Variants in PFAS observed in about 807,000 individuals in gnomAD.
PFAS encodes the protein FGAM synthase.
In PFAS, 97 loss-of-function variants were observed where a neutral mutation model predicts 140.6. The ratio of observed to expected loss-of-function variants is 0.69; its 90% CI spans 0.59 to 0.82. The LOEUF (loss-of-function observed/expected upper bound fraction) is 0.82, where lower values mean the gene tolerates loss of function less well. PFAS is among the 40% of genes least tolerant of loss of function. PFAS has a pLI of 0.00. For missense variants in PFAS, 1,656 were observed against 1,780.2 expected, an observed-to-expected ratio of 0.93 and a Z score of 1.26; for synonymous variants, 679 against 718.8, an observed-to-expected ratio of 0.94 and a Z score of 0.88.
chr17:8,267,606 T>A lies in PFAS; in HGVS notation c.3323T>A (p.Phe1108Tyr). The change falls in exon 26 of 28, where the codon TTC (phenylalanine) becomes TAC (tyrosine). Residue 1108 changes from phenylalanine (F) to tyrosine (Y), a missense_variant. Phe to Tyr is a conservative substitution (Grantham distance 22, BLOSUM62 3). Transcript: ENST00000314666. This position sits in a 1 kb window ranked among gnomAD's most constrained non-coding sequence, Gnocchi z 4.9. The part of the protein sequence containing the change: ...LCSGAIGLDT[F>Y]RGVAFVGGFS... ...TCTGGGGCAATTGGGCTGGACACTT[T>A]CCGTGGCGTGGCCTTCGTGGGCGGC... 6.2e-7 allele frequency: 1 copy of A among 1,613,732 alleles called. No homozygotes were observed. Among genetic ancestry groups the A allele is most frequent in the Non-Finnish European group, 8.5e-7 (1 of 1,179,638 alleles).
intron 13 of PFAS, 83 bp from the exon 14 acceptor site, chr17:8,263,492 C>T: frequency 5.7e-6 from 7 of 1,233,130 alleles, no homozygotes; most frequent in Non-Finnish European, 8.4e-6. Flanking sequence ...CACCAAATTA[C>T]AGGCCCCTTT....
Position 8,263,876 on chromosome 17 carries a change from T to C in PFAS, c.1731T>C (p.His577=), listed in dbSNP as rs1270838009. The change falls in exon 15 of 28, where the codon CAT becomes CAC. Residue 577 remains histidine (H), a synonymous_variant. Coordinates refer to ENST00000314666, the MANE Select transcript of PFAS (RefSeq NM_012393.3). ...CCCCCAACCGGGACTTCCTGACTCA[T>C]GTCAGTGCCCGTGAACGTTGCCCGG... ...LRSPNRDFLT[H]VSARERCPAC... 2 of 1,614,126 alleles carry C rather than the reference T, an allele frequency of 1.2e-6. No individual in the cohort carries two copies. The highest frequency in any genetic ancestry group is 1.7e-5 in the Admixed American group (1 of 60,014).
rs753614585 is a variant in PFAS at position 8,254,200 on chromosome 17, G to A, written c.177G>A (p.Lys59=). The A allele has an allele frequency of 2.5e-6, 4 of 1,614,190 alleles. No homozygotes were observed. The highest frequency in any genetic ancestry group is 1.7e-6 in the Non-Finnish European group (2 of 1,180,040). ...TCCCCAGTGCTGAGGAGACAAAGAA[G>A]CTGATGTGGCTGTTTGGTTGCCCCT... ...EALPSAEETK[K]LMWLFGCPLL... Residue 59 remains lysine (K), a synonymous_variant, in exon 3 of 28, where the codon AAG becomes AAA. Transcript: ENST00000314666.
chr17:8,253,449 A>G (rs915272401), intron 1 of PFAS, among the ~76,000 whole-genome samples: 12 of 152,184 alleles, frequency 7.9e-5, no homozygotes, highest in African/African-American at 2.7e-4. Context: ...CTAAATGTCC[A>G]TATTACTTTC....
chr17:8,264,396 C>T lies in PFAS; in HGVS notation c.1917+59C>T, dbSNP rs546710623. The stretch of plus-strand genomic sequence containing the variant: ...GGTCCTCTCCACACCACCCTTTACC[C>T]TACGTGCACTTTGTCGCCTGTGTGC... On this transcript the variant is annotated intron_variant, in intron 16 of 27. Coordinates refer to ENST00000314666, the MANE Select transcript of PFAS (RefSeq NM_012393.3). The T allele has an allele frequency of 1.9e-6, 3 of 1,612,186 alleles. No individual in the cohort carries two copies. In the African/African-American group the frequency reaches 4.0e-5, roughly 22 times the overall value.
upstream of PFAS, chr17:8,248,009 A>T (rs781595383): frequency 6.4e-7 from 1 of 1,561,958 alleles, no homozygotes; most frequent in African/African-American, 1.4e-5. Context: ...CTCACGGAGG[A>T]AGGGACCTGG....
At position 8,258,105 on chromosome 17, in the gene PFAS, C is replaced by T. The variant is rs745681502; in HGVS notation, c.1242C>T (p.Asp414=). 13 of 1,614,090 alleles carry T rather than the reference C, an allele frequency of 8.1e-6. No individual in the cohort carries two copies. The highest frequency in any genetic ancestry group is 2.2e-5 in the East Asian group (1 of 44,884). The part of the protein sequence containing the change: ...FARSLGLQLP[D]GQRREWIKPI... ...GCTCCTTGGGCCTCCAGCTCCCAGA[C>T]GGCCAGCGGCGTGAGTGGATCAAGC... is the stretch of plus-strand genomic sequence containing the variant. Residue 414 remains aspartate (D), a synonymous_variant, in exon 11 of 28, where the codon GAC becomes GAT. Coordinates refer to ENST00000314666, the MANE Select transcript of PFAS (RefSeq NM_012393.3).
At position 8,254,428 on chromosome 17, in the gene PFAS, C is replaced by G. The variant is rs866135268; in HGVS notation, c.278+127C>G. ...CTAGGAAACCACACATGTGCTTTCC[C>G]CATTTGGGTAGATCCCTCCAAAGAC... On this transcript the variant is annotated intron_variant, in intron 3 of 27. Transcript: ENST00000314666. 1.7e-5 allele frequency: 18 copies of G among 1,074,710 alleles called. 1 individual carries two copies. The highest frequency in any genetic ancestry group is 3.1e-4 in the Middle Eastern group (1 of 3,242). The allele number at this position is 1,074,710 out of a possible 1,614,324, so 66.6% of individuals were successfully genotyped here.
rs771352330 is a variant in PFAS, at chr17:8,265,270, T to C, written c.2281-18T>C. The C allele has an allele frequency of 6.2e-6, 10 of 1,608,404 alleles. No individual in the cohort carries two copies. The highest frequency in any genetic ancestry group is 7.6e-6 in the Non-Finnish European group (9 of 1,176,516). Reference sequence around the variant, plus strand: ...ACATTTCTCTTCCCCTCTAATGCTGTGCCTCTGCCACCCCCAGGATGTGAA... The same window carrying C: ...ACATTTCTCTTCCCCTCTAATGCTGCGCCTCTGCCACCCCCAGGATGTGAA... On this transcript the variant is annotated intron_variant, in intron 18 of 27. Coordinates refer to ENST00000314666, the MANE Select transcript of PFAS (RefSeq NM_012393.3).
At chr17:8,259,877 G>A (rs1989522420) in intron 11 of PFAS, among the ~76,000 whole-genome samples, 1 of 152,204 alleles carries the variant, frequency 6.6e-6, no homozygotes, top group African/African-American at 2.4e-5. Context: ...ATGGTGGGCA[G>A]ATCACCTGAG....
Position 8,253,937 on chromosome 17 carries a change from G to T in PFAS, c.-1G>T. On this transcript the variant is annotated 5_prime_UTR_variant, in exon 2 of 28. Transcript: ENST00000314666. ...CTCTCCAGCAAAGGACACCTGCAGA[G>T]ATGTCCCCAGTCCTTCACTTCTATG... 1 of 1,611,566 alleles carries T rather than the reference G, an allele frequency of 6.2e-7. No individual in the cohort carries two copies. Among genetic ancestry groups the T allele is most frequent in the Non-Finnish European group, 8.5e-7 (1 of 1,178,318 alleles).
Position 8,265,136 on chromosome 17 carries a change from C to T in PFAS, c.2280+11C>T. 1.2e-6 allele frequency: 2 copies of T among 1,604,728 alleles called. No individual in the cohort carries two copies. The highest frequency in any genetic ancestry group is 1.7e-6 in the Non-Finnish European group (2 of 1,173,728). On this transcript the variant is annotated intron_variant, in intron 18 of 27. Transcript: ENST00000314666. ...GTCACTGACCTCCGGGTGAGTTCTCCCACAGCTTCTATCCTGGAGCCCCCG... is the reference window on the plus strand; with the variant it reads ...GTCACTGACCTCCGGGTGAGTTCTCTCACAGCTTCTATCCTGGAGCCCCCG...
At position 8,269,096 on chromosome 17, in the gene PFAS, C is replaced by T. The variant is rs1175332805; in HGVS notation, c.3849C>T (p.Gly1283=). Residue 1283 remains glycine, a synonymous_variant, in exon 28 of 28, where the codon GGC becomes GGT. Transcript: ENST00000314666. ...NPNGSPGGVA[G]ICSCDGRHLA... is the part of the protein sequence containing the mutation. ...ATGGGTCCCCAGGGGGCGTGGCTGG[C>T]ATCTGCTCCTGTGATGGCCGCCACC... 5 of 1,614,078 alleles carry T rather than the reference C, an allele frequency of 3.1e-6. No homozygotes were observed. Among genetic ancestry groups the T allele is most frequent in the Non-Finnish European group, 4.2e-6 (5 of 1,180,040 alleles).
intron 9 of PFAS, among the ~76,000 whole-genome samples, chr17:8,257,542 C>A (rs940003405): frequency 6.6e-6 from 1 of 151,526 alleles, no homozygotes; most frequent in Non-Finnish European, 1.5e-5. Flanking sequence ...GGTGATAGAG[C>A]GAGACTCCAT....
At position 8,254,079 on chromosome 17, in the gene PFAS, G is replaced by A. The variant is rs1378457567; in HGVS notation, c.142G>A (p.Ala48Thr). ...TELCYNVNWT[A>T]EALPSAEETK... ...ACTGTGCTACAACGTGAACTGGACAGGTTGGGCCCAGGTATTAGATTCTTG... is the reference window on the plus strand; with the variant it reads ...ACTGTGCTACAACGTGAACTGGACAAGTTGGGCCCAGGTATTAGATTCTTG... The change falls in exon 2 of 28, where the codon GCT (alanine) becomes ACT (threonine). Residue 48 changes from alanine to threonine, a missense_variant and splice_region_variant. Transcript: ENST00000314666. The A allele has an allele frequency of 1.9e-6, 3 of 1,613,958 alleles. No individual in the cohort carries two copies. The highest frequency in any genetic ancestry group is 2.5e-6 in the Non-Finnish European group (3 of 1,179,948).
Position 8,266,063 on chromosome 17 carries a change from G to A in PFAS, c.2701+46G>A, listed in dbSNP as rs1168234983. 1 of 1,556,088 alleles carries A rather than the reference G, an allele frequency of 6.4e-7. No homozygotes were observed. The highest frequency in any genetic ancestry group is 2.3e-5 in the East Asian group (1 of 44,400). ...AGATAGCGCACAGGGTGCCAGGCGT[G>A]CAGCAGGCGTTCACCATCTGAGCAG... On this transcript the variant is annotated intron_variant, in intron 21 of 27. Transcript: ENST00000314666. This position sits in a 1 kb window ranked among gnomAD's most constrained non-coding sequence, Gnocchi z 5.0.
Position 8,265,557 on chromosome 17 carries a change from G to T in PFAS, c.2463G>T (p.Gly821=), listed in dbSNP as rs761868879. The change falls in exon 20 of 28, where the codon GGG becomes GGT. Residue 821 remains glycine, a splice_region_variant and synonymous_variant. Transcript: ENST00000314666. The part of the protein sequence containing the change: ...RVGTETVRAP[G]SLVISAYAVC... The stretch of plus-strand genomic sequence containing the variant: ...TTTGGACTCCTCCTTGCTCTACAGG[G>T]TCACTGGTCATCTCAGCCTATGCCG... 3 of 1,613,928 alleles carry T rather than the reference G, an allele frequency of 1.9e-6. No homozygotes were observed. Among genetic ancestry groups the T allele is most frequent in the Non-Finnish European group, 8.5e-7 (1 of 1,179,914 alleles).
chr17:8,252,355 A>C (rs1989189482), intron 1 of PFAS, among the ~76,000 whole-genome samples: 1 of 152,182 alleles, frequency 6.6e-6, no homozygotes, highest in Non-Finnish European at 1.5e-5. Context: ...TCATCAAGCA[A>C]TAAATTCTTA....
rs1460823069 is a variant in PFAS, at chr17:8,267,623, G to A, written c.3340G>A (p.Val1114Met). 8 of 1,612,404 alleles carry A rather than the reference G, an allele frequency of 5.0e-6. No homozygotes were observed. The highest frequency in any genetic ancestry group is 1.3e-5 in the African/African-American group (1 of 74,854). Residue 1114 changes from valine to methionine, a missense_variant, in exon 26 of 28, where the codon GTG becomes ATG. By Grantham distance (21) the Val-to-Met change is conservative. This residue lies in a region of PFAS where 883 missense variants were observed against 1,023.0 expected (regional missense o/e 0.86). Coordinates refer to ENST00000314666, the MANE Select transcript of PFAS (RefSeq NM_012393.3). The surrounding 1 kb of genome is among the most constrained non-coding windows in gnomAD (Gnocchi z 4.9). ...GLDTFRGVAF[V>M]GGFSYADVLG... ...GGACACTTTCCGTGGCGTGGCCTTCGTGGGCGGCTTCAGCTATGCAGATGT... is the reference window on the plus strand; with the variant it reads ...GGACACTTTCCGTGGCGTGGCCTTCATGGGCGGCTTCAGCTATGCAGATGT...
Sources: gnomAD v4.1 joint callset for allele counts (sites outside exome capture counted in the v4.1 genomes callset) on GRCh38, gnomAD v4.1.1 for gene constraint, gnomAD v4.1.1 regional missense constraint, Gnocchi (gnomAD v3.1) non-coding constraint, MANE v1.5 for transcripts, NCBI Gene and HGNC (gene_info 2026-07-23, HGNC 2026-07-21) for gene names.